The following SOS2 variants were observed in gnomAD, a reference collection of about 807,000 sequenced individuals.
The protein encoded by SOS2 is son of sevenless homolog 2.
In SOS2, 65 loss-of-function variants were observed where a neutral mutation model predicts 148.2. That is an observed-to-expected ratio of 0.44 (90% CI 0.36 to 0.54). The LOEUF is 0.54. SOS2 is among the 20% of genes least tolerant of loss of function. SOS2 has a pLI of 0.00. For missense variants in SOS2, 1,341 were observed against 1,590.2 expected (o/e 0.84, Z 2.67); for synonymous variants, 539 against 537.1 (o/e 1.00, Z -0.05).
chr14:50,161,927 T>A (rs1472145908), intron 8 of SOS2, among the ~76,000 whole-genome samples: 3 of 151,946 alleles, frequency 2.0e-5, no homozygotes, highest in East Asian at 3.9e-4. Flanking sequence ...ATTTTTAAAA[T>A]TTCTGTAGAG....
chr14:50,221,399 GC>G (rs1332613971), intron 1 of SOS2, among the ~76,000 whole-genome samples: 3 of 152,270 alleles, frequency 2.0e-5, no homozygotes, highest in South Asian at 4.1e-4. Flanking sequence ...CTGACAAGGT[GC>G]CTGCACACAG....
chr14:50,133,932 A>G (rs1445331927), intron 19 of SOS2, among the ~76,000 whole-genome samples, 191 bp downstream of exon 19: 1 of 152,164 alleles, frequency 6.6e-6, no homozygotes, highest in African/African-American at 2.4e-5. Flanking sequence ...AGTAGTACCA[A>G]GATAAGGCAT....
rs537761496 is a variant in SOS2, at chr14:50,158,650, A to G, written c.1853-4T>C. ...AAAGTACGAACAAAATTGGGATCTGAAAAGGCAGAGCATAAAATAGGTTTC... is the reference window on the plus strand; with the variant it reads ...AAAGTACGAACAAAATTGGGATCTGGAAAGGCAGAGCATAAAATAGGTTTC... On this transcript the variant is annotated splice_polypyrimidine_tract_variant and splice_region_variant and intron_variant, in intron 10 of 22. Transcript: ENST00000216373. The G allele has an allele frequency of 1.3e-6, 2 of 1,584,716 alleles. No homozygotes were observed. Among genetic ancestry groups the G allele is most frequent in the African/African-American group, 2.7e-5 (2 of 74,244 alleles).
intron 21 of SOS2, among the ~76,000 whole-genome samples, chr14:50,123,204 T>C (rs550622494): frequency 2.0e-5 from 3 of 152,220 alleles, no homozygotes; most frequent in East Asian, 1.9e-4. Flanking sequence ...ACAGCAGGAA[T>C]GGCAAGAGCA....
intron 4 of SOS2, among the ~76,000 whole-genome samples, chr14:50,192,258 GC>G (rs1886165735): frequency 6.6e-6 from 1 of 151,502 alleles, no homozygotes; most frequent in South Asian, 2.1e-4. Flanking sequence ...ACTCCTGTTA[GC>G]TTCAGATTTT....
At chr14:50,137,051 GT>G (rs1804794030) in intron 18 of SOS2, among the ~76,000 whole-genome samples, 2 of 152,138 alleles carry the variant, frequency 1.3e-5, no homozygotes, top group African/African-American at 4.8e-5. Context: ...TGCAGATTAT[GT>G]CTAAAAAGTT....
intron 11 of SOS2, among the ~76,000 whole-genome samples, chr14:50,157,614 C>T (rs969500122): frequency 1.3e-5 from 2 of 152,102 alleles, no homozygotes; most frequent in African/African-American, 2.4e-5. Context: ...ATAAGTCTAA[C>T]GTGTGCTTTC....
intron 15 of SOS2, 66 bp from the exon 16 acceptor site, chr14:50,145,398 A>T (rs1341316784): frequency 2.6e-6 from 4 of 1,559,350 alleles, no homozygotes; most frequent in African/African-American, 2.8e-5. Flanking sequence ...CAAGATAATT[A>T]TGAGTAGCCA....
chr14:50,121,244 CCAGA>C (rs1287298157), intron 21 of SOS2, among the ~76,000 whole-genome samples: 5 of 152,072 alleles, frequency 3.3e-5, no homozygotes, highest in Non-Finnish European at 7.4e-5. Context: ...AACAGATCAA[CCAGA>C]CATATAATAA....
chr14:50,230,140 G>A (rs1887496064), intron 1 of SOS2, among the ~76,000 whole-genome samples: 1 of 152,312 alleles, frequency 6.6e-6, no homozygotes, highest in Non-Finnish European at 1.5e-5. Flanking sequence ...CTCATCGCAT[G>A]AGGAAAATGT....
intron 4 of SOS2, among the ~76,000 whole-genome samples, chr14:50,194,711 G>A (rs1264093857): frequency 6.6e-6 from 1 of 151,148 alleles, no homozygotes; most frequent in Non-Finnish European, 1.5e-5. Flanking sequence ...CTGGGAGGCA[G>A]AGGTTGCAGT....
At chr14:50,186,166 C>G (rs1335256041) in intron 5 of SOS2, among the ~76,000 whole-genome samples, 1 of 151,964 alleles carries the variant, frequency 6.6e-6, no homozygotes, top group Non-Finnish European at 1.5e-5. Flanking sequence ...GTCTTTCCCT[C>G]AAAAGTTTAT....
chr14:50,180,091 G>A (rs1386057198), intron 7 of SOS2, among the ~76,000 whole-genome samples: 2 of 151,112 alleles, frequency 1.3e-5, no homozygotes, highest in South Asian at 2.1e-4. Flanking sequence ...TGCAACCTCC[G>A]CCTTCCGGGT....
At chr14:50,155,622 A>C (rs979134862) in intron 12 of SOS2, among the ~76,000 whole-genome samples, 1 of 152,230 alleles carries the variant, frequency 6.6e-6, no homozygotes, top group African/African-American at 2.4e-5. Context: ...GTAGAACAAT[A>C]TATAACTGTT....
At chr14:50,131,197 T>C (rs1158955020) in intron 19 of SOS2, among the ~76,000 whole-genome samples, 1 of 152,204 alleles carries the variant, frequency 6.6e-6, no homozygotes, top group African/African-American at 2.4e-5. Context: ...TCTACATTGA[T>C]GCTTTAAAAA....
chr14:50,122,688 T>G (rs147035221), intron 21 of SOS2, among the ~76,000 whole-genome samples: 2 of 152,186 alleles, frequency 1.3e-5, no homozygotes, highest in Non-Finnish European at 2.9e-5. Flanking sequence ...TTCTCCACGG[T>G]AGGCAATCAA....
chr14:50,198,352 TAAAA>T (rs11296281), intron 4 of SOS2, among the ~76,000 whole-genome samples: 1 of 146,544 alleles, frequency 6.8e-6, no homozygotes, highest in African/African-American at 2.5e-5. Flanking sequence ...ATTTTCAAAG[TAAAA>T]AAAAAAAAAA....
intron 8 of SOS2, among the ~76,000 whole-genome samples, chr14:50,173,855 C>G (rs776270399): frequency 2.0e-5 from 3 of 151,994 alleles, no homozygotes; most frequent in Admixed American, 6.6e-5. Flanking sequence ...TATTTGGATG[C>G]CTTAATTTTT....
intron 19 of SOS2, among the ~76,000 whole-genome samples, chr14:50,132,927 T>C (rs1403244076): frequency 2.6e-5 from 4 of 152,130 alleles, no homozygotes; most frequent in Non-Finnish European, 5.9e-5. Flanking sequence ...GGCAGATCAT[T>C]AGGCATCCAC....
Sources: allele counts gnomAD v4.1 joint callset (sites outside exome capture counted in the v4.1 genomes callset), GRCh38; gene constraint gnomAD v4.1.1; transcripts MANE v1.5; gene names NCBI Gene and HGNC (gene_info 2026-07-23, HGNC 2026-07-21).